Variants in UPF3B observed in about 807,000 individuals in gnomAD.
UPF3B encodes regulator of nonsense transcripts 3B.
Under a neutral mutation model 40.3 loss-of-function variants are expected in UPF3B, and 7 were observed. That is an observed-to-expected ratio of 0.17 (90% confidence interval 0.10 to 0.33). UPF3B has a LOEUF of 0.33. Among genes scored for constraint, UPF3B ranks in the 10% least tolerant of loss-of-function variants. The pLI, the probability that UPF3B is intolerant of heterozygous loss-of-function variation, is 1.00. For synonymous variants in UPF3B, 117 were observed against 117.3 expected (o/e 1.00, Z 0.01); for missense variants, 229 against 358.9 (o/e 0.64, Z 2.93).
At chrX:119,823,555 CCT>C (rs138110573) in intron 3 of UPF3B, among the ~76,000 whole-genome samples, 11,292 of 68,508 alleles carry the variant, frequency 0.16, 1,478 homozygotes, top group African/African-American at 0.5. Context: ...TTCTTTTTTT[CCT>C]CTTTTTTTTT....
intron 3 of UPF3B, among the ~76,000 whole-genome samples, chrX:119,850,173 T>G (rs1409767222): frequency 1.8e-5 from 2 of 110,007 alleles, no homozygotes; most frequent in African/African-American, 6.6e-5. Flanking sequence ...GTGACATACA[T>G]CTGTAGTCCC....
chrX:119,835,507 T>C (rs912749062), intron 10 of UPF3B, among the ~76,000 whole-genome samples: 1 of 111,951 alleles, frequency 8.9e-6, no homozygotes, highest in African/African-American at 3.2e-5. Flanking sequence ...ATTGTTGGGA[T>C]TACAGGCATG....
chrX:119,818,174 A>G (rs2055881047), intron 4 of UPF3B, among the ~76,000 whole-genome samples: 1 of 111,588 alleles, frequency 9.0e-6, no homozygotes, highest in African/African-American at 3.3e-5. Context: ...CCGAGGCAGG[A>G]GAATCGCTTG....
At chrX:119,809,424 C>T (rs1333827907) in intron 5 of UPF3B, among the ~76,000 whole-genome samples, 3 of 112,106 alleles carry the variant, frequency 2.7e-5, no homozygotes, top group Admixed American at 1.9e-4. Context: ...GCATGGATTG[C>T]AAAATCTTTT....
At chrX:119,806,256 T>G (rs1280773340) in intron 6 of UPF3B, among the ~76,000 whole-genome samples, 1 of 94,806 alleles carries the variant, frequency 1.1e-5, no homozygotes, top group Non-Finnish European at 2.1e-5. Flanking sequence ...CACCGCATAT[T>G]CTCACTCATA....
At chrX:119,849,440 C>G (rs1263049833) in intron 3 of UPF3B, among the ~76,000 whole-genome samples, 1 of 106,360 alleles carries the variant, frequency 9.4e-6, no homozygotes, top group Admixed American at 1.0e-4. Context: ...TTGTAATGAG[C>G]CAAGATTGTG....
At chrX:119,814,859 CTTTTTT>C (rs140201169) in intron 5 of UPF3B, among the ~76,000 whole-genome samples, 3 of 46,263 alleles carry the variant, frequency 6.5e-5, no homozygotes, top group Non-Finnish European at 7.7e-5. Flanking sequence ...TTCTTTCTTT[CTTTTTT>C]TTTTTTTTTT....
At chrX:119,806,997 C>T (rs1487595308) in intron 6 of UPF3B, among the ~76,000 whole-genome samples, 2 of 94,647 alleles carry the variant, frequency 2.1e-5, no homozygotes, top group African/African-American at 4.1e-5. Context: ...CCACTGTACT[C>T]CAGGCTGGGC....
At chrX:119,831,312 C>T (rs1467625730), downstream of UPF3B, among the ~76,000 whole-genome samples, 1 of 107,883 alleles carries the variant, frequency 9.3e-6, no homozygotes, top group African/African-American at 3.5e-5. Flanking sequence ...ACACACCTCT[C>T]CTCCTCCTTT....
chrX:119,822,057 G>GA (rs1484153723), intron 4 of UPF3B, among the ~76,000 whole-genome samples: 4 of 111,837 alleles, frequency 3.6e-5, no homozygotes, highest in Non-Finnish European at 5.6e-5. Flanking sequence ...CCTCTTAATA[G>GA]AAAAAATGCT....
intron 9 of UPF3B, 95 bp downstream of exon 9, chrX:119,838,271 TA>T (rs1443989956): frequency 1.9e-6 from 2 of 1,034,783 alleles, no homozygotes; most frequent in Admixed American, 4.5e-5. Flanking sequence ...CTGCCCTGCA[TA>T]AAACAGCTTA....
rs764988860 is a variant in UPF3B, at chrX:119,852,752, G to A, written c.156+21C>T. On this transcript the variant is annotated intron_variant, in intron 1 of 10. Coordinates refer to ENST00000276201, the MANE Select transcript of UPF3B (RefSeq NM_080632.3). ...TGCGGACTCGTCCCGCCCTCTCCCG[G>A]GCCAGCGGCCGACCGGGCACCTTGC... 4 of 1,212,078 alleles carry A rather than the reference G, an allele frequency of 3.3e-6. No individual in the cohort carries two copies. The East Asian group carries it at 8.9e-5, about 27-fold the overall frequency.
intron 4 of UPF3B, among the ~76,000 whole-genome samples, chrX:119,819,733 A>G (rs2055894862): frequency 9.0e-6 from 1 of 111,705 alleles, no homozygotes; most frequent in Non-Finnish European, 1.9e-5. Context: ...ATAAATGGCT[A>G]GTTATCATTG....
At chrX:119,827,117 T>C (rs193110451) in intron 3 of UPF3B, among the ~76,000 whole-genome samples, 1 of 111,865 alleles carries the variant, frequency 8.9e-6, no homozygotes, top group African/African-American at 3.2e-5. Context: ...AGAGTTTCCA[T>C]GGAAAACCAT....
intron 6 of UPF3B, chrX:119,807,427 GACT>G (rs2055801723): frequency 1.1e-6 from 1 of 888,951 alleles, no homozygotes; most frequent in South Asian, 2.7e-5. Flanking sequence ...AGGCCATCTG[GACT>G]TAACACTCCC....
At chrX:119,837,384 G>A (rs1222436798) in intron 10 of UPF3B, among the ~76,000 whole-genome samples, 1 of 108,440 alleles carries the variant, frequency 9.2e-6, no homozygotes, top group Non-Finnish European at 1.9e-5. Context: ...GGGAGGCTGA[G>A]GCAGGTGGAT....
rs372020513 is a variant in UPF3B at position 119,837,856 on chromosome X, C to G, written c.1203G>C (p.Arg401=). 4.1e-6 allele frequency: 5 copies of G among 1,208,689 alleles called. No homozygotes were observed. In the African/African-American group the frequency reaches 8.8e-5, roughly 21 times the overall value. The change falls in exon 10 of 11, where the codon CGG becomes CGC. Residue 401 remains arginine (R), a synonymous_variant. Transcript: ENST00000276201. ...EEMKKEKDTL[R]DKGKKAESTE... ...TACTTTCAGCCTTCTTTCCTTTATC[C>G]CGAAGTGTGTCTTTCTCTTTTTTCA...
At position 119,806,249 on chromosome X, in the gene UPF3B, C is replaced by T. The variant is rs894589554; in HGVS notation, c.*12-814G>A. On this transcript the variant is annotated intron_variant, in intron 6 of 6. Coordinates refer to the UPF3B transcript ENST00000636792. ...ATTGCAAGAACAAAAAACCAAACAC[C>T]GCATATTCTCACTCATAGGTGGGAA... Among the ~76,000 whole-genome samples the T allele has an allele frequency of 1.2e-4, 11 of 94,534 alleles. No individual in the cohort carries two copies. The South Asian group carries it at 4.5e-3, about 38-fold the overall frequency. The allele number at this position is 94,534 out of a possible 115,157, so 82.1% of individuals were successfully genotyped here.
At chrX:119,836,589 A>G (rs756588526) in intron 10 of UPF3B, among the ~76,000 whole-genome samples, 5 of 109,833 alleles carry the variant, frequency 4.6e-5, no homozygotes, top group African/African-American at 1.7e-4. Flanking sequence ...GTAGAATAGA[A>G]AGAAGGTTGG....
Sources: gnomAD v4.1 joint callset for allele counts (sites outside exome capture counted in the v4.1 genomes callset) on GRCh38, gnomAD v4.1.1 for gene constraint, MANE v1.5 for transcripts, NCBI Gene and HGNC (gene_info 2026-07-23, HGNC 2026-07-21) for gene names.